The following GRID2 variants were observed in gnomAD, a reference collection of about 807,000 sequenced individuals.
The protein encoded by GRID2 is glutamate receptor ionotropic, delta-2.
A neutral mutation model predicts 114.8 loss-of-function variants in GRID2; 33 were observed. The observed-to-expected ratio is 0.29, with a 90% CI of 0.22 to 0.38. GRID2 has a LOEUF of 0.38. GRID2 is among the 10% of genes least tolerant of loss of function. The pLI is 1.00. For missense variants in GRID2, 1,184 were observed against 1,257.7 expected (o/e 0.94, Z 0.89); for synonymous variants, 505 against 449.9 (o/e 1.12, Z -1.55).
At chr4:93,795,981 C>A (rs1296385823) in intron 1 of GRID2, among the ~76,000 whole-genome samples, 2 of 152,152 alleles carry the variant, frequency 1.3e-5, no homozygotes, top group East Asian at 3.9e-4. Context: ...CCGGAGTTCT[C>A]TTCCAAGTTC....
chr4:93,555,216 T>A (rs186891758), intron 13 of GRID2, among the ~76,000 whole-genome samples: 119 of 152,220 alleles, frequency 7.8e-4, no homozygotes, highest in African/African-American at 2.5e-3. Flanking sequence ...TTCAGGACTT[T>A]TTTTTCATAC....
intron 2 of GRID2, among the ~76,000 whole-genome samples, chr4:92,808,542 CT>C: frequency 6.6e-6 from 1 of 152,088 alleles, no homozygotes. Flanking sequence ...GAAAAGGTAA[CT>C]TCCATTTCGG....
chr4:92,720,599 A>G (rs1735765248), intron 2 of GRID2, among the ~76,000 whole-genome samples: 1 of 152,100 alleles, frequency 6.6e-6, no homozygotes, highest in Non-Finnish European at 1.5e-5. Flanking sequence ...TGTCTATACC[A>G]TGTGATTATT....
chr4:92,427,648 T>C (rs1486511523), intron 1 of GRID2, among the ~76,000 whole-genome samples: 1 of 152,120 alleles, frequency 6.6e-6, no homozygotes, highest in Admixed American at 6.6e-5. Context: ...AGGTAGCAAC[T>C]AGAACATTTT....
chr4:93,213,062 C>T (rs917704805), intron 5 of GRID2, among the ~76,000 whole-genome samples: 1 of 152,052 alleles, frequency 6.6e-6, no homozygotes, highest in African/African-American at 2.4e-5. Flanking sequence ...CGTGAGCCAC[C>T]GTGCCTGGCC....
At chr4:93,659,065 ACAG>A (rs1159798536) in intron 14 of GRID2, among the ~76,000 whole-genome samples, 3 of 152,206 alleles carry the variant, frequency 2.0e-5, no homozygotes, top group Non-Finnish European at 4.4e-5. Flanking sequence ...CACCAGGAAG[ACAG>A]TCTAGCGTAG....
intron 2 of GRID2, among the ~76,000 whole-genome samples, chr4:92,988,316 G>T (rs572129402): frequency 6.6e-6 from 1 of 152,228 alleles, no homozygotes; most frequent in South Asian, 2.1e-4. Context: ...TTGTACTAAG[G>T]CTTCAGTTCC....
chr4:92,742,978 A>G (rs1395020301), intron 2 of GRID2, among the ~76,000 whole-genome samples: 2 of 152,174 alleles, frequency 1.3e-5, no homozygotes, highest in African/African-American at 4.8e-5. Context: ...TATGTATTTA[A>G]TAATCTAAAA....
At chr4:92,544,859 A>C (rs2149166366) in intron 1 of GRID2, among the ~76,000 whole-genome samples, 1 of 152,280 alleles carries the variant, frequency 6.6e-6, no homozygotes, top group African/African-American at 2.4e-5. Flanking sequence ...GATTTGAGCA[A>C]TATAGCTTCA....
chr4:92,935,360 G>T lies in GRID2; in HGVS notation c.245-149635G>T, dbSNP rs1348233326. Among the ~76,000 whole-genome samples the T allele has an allele frequency of 4.8e-5, 7 of 146,936 alleles. 1 individual carries two copies. Among genetic ancestry groups the T allele is most frequent in the South Asian group, 4.6e-4 (2 of 4,364 alleles). ...ATACCATCTCACACCAGTTAGAATG[G>T]CAATCATTAAAATGTCAGGAAACAA... On this transcript the variant is annotated intron_variant, in intron 2 of 15. Transcript: ENST00000282020.
At chr4:93,387,139 C>G (rs1224492902) in intron 8 of GRID2, among the ~76,000 whole-genome samples, 1 of 152,044 alleles carries the variant, frequency 6.6e-6, no homozygotes, top group African/African-American at 2.4e-5. Flanking sequence ...AGGAGAAATC[C>G]TCCCAAAAGT....
intron 13 of GRID2, among the ~76,000 whole-genome samples, chr4:93,552,550 T>C (rs941692603): frequency 1.8e-4 from 28 of 152,316 alleles, no homozygotes; most frequent in African/African-American, 6.7e-4. Context: ...TGTTGTTTCC[T>C]GACTTTTTAG....
intron 14 of GRID2, among the ~76,000 whole-genome samples, chr4:93,725,287 T>C (rs1296203103): frequency 6.6e-6 from 1 of 152,198 alleles, no homozygotes; most frequent in Non-Finnish European, 1.5e-5. Context: ...TCCAGTTTCA[T>C]CCATGTCCCT....
intron 13 of GRID2, among the ~76,000 whole-genome samples, chr4:93,554,242 C>T (rs952924515): frequency 3.3e-5 from 5 of 152,160 alleles, no homozygotes; most frequent in African/African-American, 1.2e-4. Flanking sequence ...CTGCCATAAA[C>T]TGAGCCTCAT....
intron 2 of GRID2, among the ~76,000 whole-genome samples, chr4:92,796,177 G>A (rs964258666): frequency 4.6e-5 from 7 of 151,872 alleles, no homozygotes; most frequent in African/African-American, 9.7e-5. Context: ...CATGCAATGA[G>A]TCTTAAAGGT....
At chr4:93,598,372 C>A (rs536075923) in intron 13 of GRID2, among the ~76,000 whole-genome samples, 1 of 152,214 alleles carries the variant, frequency 6.6e-6, no homozygotes, top group Admixed American at 6.5e-5. Flanking sequence ...CCCTCGTTCA[C>A]TCATTCCTTC....
At chr4:92,880,165 C>A (rs1745908064) in intron 2 of GRID2, among the ~76,000 whole-genome samples, 1 of 152,114 alleles carries the variant, frequency 6.6e-6, no homozygotes, top group Admixed American at 6.6e-5. Context: ...ATGTGACCTT[C>A]CCAAAGCAAC....
At chr4:92,940,178 T>C (rs1233780609) in intron 2 of GRID2, among the ~76,000 whole-genome samples, 6 of 147,336 alleles carry the variant, frequency 4.1e-5, no homozygotes, top group Middle Eastern at 3.5e-3. Flanking sequence ...TTTCACAATA[T>C]TGATTCTTCC....
At chr4:93,461,097 A>G (rs568874046) in intron 11 of GRID2, among the ~76,000 whole-genome samples, 1 of 152,340 alleles carries the variant, frequency 6.6e-6, no homozygotes, top group African/African-American at 2.4e-5. Flanking sequence ...AACAAAAGTT[A>G]TAAATATGTT....
Sources: gnomAD v4.1 joint callset for allele counts (sites outside exome capture counted in the v4.1 genomes callset) on GRCh38, gnomAD v4.1.1 for gene constraint, MANE v1.5 for transcripts, NCBI Gene and HGNC (gene_info 2026-07-23, HGNC 2026-07-21) for gene names.